IGSF10: variants seen among roughly 807,000 people sequenced by gnomAD.
The protein encoded by IGSF10 is calvaria mechanical force protein 608.
Under a neutral mutation model 128.2 loss-of-function variants are expected in IGSF10, and 126 were observed. The ratio of observed to expected loss-of-function variants is 0.98; its 90% confidence interval spans 0.85 to 1.14. The LOEUF (loss-of-function observed/expected upper bound fraction) is 1.14. Ranked by LOEUF, IGSF10 falls within the 50% of genes most tolerant of loss-of-function variation. The pLI is 0.00. For missense variants in IGSF10, 3,295 were observed against 3,149.8 expected (o/e 1.05, Z -1.10); for synonymous variants, 1,185 against 1,146.2 (o/e 1.03, Z -0.68).
the IGSF10 span, among the ~76,000 whole-genome samples, chr3:151,574,575 T>C: frequency 6.6e-6 from 1 of 152,378 alleles, no homozygotes; most frequent in African/African-American, 2.4e-5. Flanking sequence ...CATTAGGTCA[T>C]TTAAAGTCTT....
the IGSF10 span, among the ~76,000 whole-genome samples, chr3:151,580,621 C>G: frequency 6.6e-6 from 1 of 152,120 alleles, no homozygotes; most frequent in Admixed American, 6.6e-5. Flanking sequence ...CACTTAATCA[C>G]CCACCAACCA....
chr3:151,540,799 C>T, the IGSF10 span, among the ~76,000 whole-genome samples: 1 of 152,184 alleles, frequency 6.6e-6, no homozygotes, highest in Non-Finnish European at 1.5e-5. Flanking sequence ...CCTAGTCCCC[C>T]ACGAAAATGC....
At chr3:151,465,511 T>C (rs914257944), upstream of IGSF10, among the ~76,000 whole-genome samples, 6 of 152,248 alleles carry the variant, frequency 3.9e-5, no homozygotes, top group East Asian at 1.9e-4. Context: ...GGGTAGGAGA[T>C]GCACCTAAGA....
Position 151,447,350 on chromosome 3 carries a change from G to A in IGSF10, c.2631C>T (p.Thr877=). 1.2e-6 allele frequency: 2 copies of A among 1,614,184 alleles called. No homozygotes were observed. The highest frequency in any genetic ancestry group is 2.2e-5 in the East Asian group (1 of 44,884). Residue 877 remains threonine, a synonymous_variant, in exon 6 of 8, where the codon ACC becomes ACT. Transcript: ENST00000282466. ...TTGTGCCTTGTATTTGGCTTGACATGGTTGGGTTTATATTCTTTGACATGG... is the reference window on the plus strand; with the variant it reads ...TTGTGCCTTGTATTTGGCTTGACATAGTTGGGTTTATATTCTTTGACATGG... The part of the protein sequence containing the change: ...TTAMSKNINP[T]MSSQIQGTTN...
At chr3:151,564,534 A>G in the IGSF10 span, among the ~76,000 whole-genome samples, 1 of 152,120 alleles carries the variant, frequency 6.6e-6, no homozygotes, top group Non-Finnish European at 1.5e-5. Context: ...TTTTGAAAAG[A>G]CAGAAGGAAG....
Position 151,443,563 on chromosome 3 carries a change from C to T in IGSF10, c.5384G>A (p.Arg1795Lys), listed in dbSNP as rs1362965056. 1.2e-6 allele frequency: 2 copies of T among 1,614,238 alleles called. No homozygotes were observed. Among genetic ancestry groups the T allele is most frequent in the Non-Finnish European group, 1.7e-6 (2 of 1,180,040 alleles). ...TVVSESSQGSRQAVVTVDGTL... is the reference protein window; with the variant it reads ...TVVSESSQGSKQAVVTVDGTL... ...TCCGTCAACCGTCACCACAGCCTGC[C>T]TACTTCCCTGGGATGATTCTGAGAC... Residue 1795 changes from arginine to lysine, a missense_variant, in exon 7 of 8, where the codon AGG becomes AAG. Physicochemically the swap from Arg to Lys is conservative, Grantham distance 26. Coordinates refer to ENST00000282466, the MANE Select transcript of IGSF10 (RefSeq NM_178822.5).
the IGSF10 span, among the ~76,000 whole-genome samples, chr3:151,586,961 A>G: frequency 6.6e-6 from 1 of 152,326 alleles, no homozygotes; most frequent in African/African-American, 2.4e-5. Flanking sequence ...TGACTTGAGC[A>G]TGGGTTCAGT....
the IGSF10 span, among the ~76,000 whole-genome samples, chr3:151,589,881 C>T: frequency 6.6e-6 from 1 of 152,008 alleles, no homozygotes. Flanking sequence ...GAATATATTG[C>T]TTTGAAAACT....
the IGSF10 span, among the ~76,000 whole-genome samples, chr3:151,542,820 C>T: frequency 6.6e-6 from 1 of 152,094 alleles, no homozygotes; most frequent in Non-Finnish European, 1.5e-5. Context: ...GTTTTATATA[C>T]TTTTGTCTTG....
chr3:151,491,645 TTGAG>T, the IGSF10 span, among the ~76,000 whole-genome samples: 602 of 152,150 alleles, frequency 4.0e-3, 2 homozygotes, highest in African/African-American at 0.013. Context: ...TAGCAAGAGA[TTGAG>T]TAAGTAATAA....
At chr3:151,569,000 G>A in the IGSF10 span, among the ~76,000 whole-genome samples, 2 of 152,198 alleles carry the variant, frequency 1.3e-5, no homozygotes, top group Non-Finnish European at 2.9e-5. Flanking sequence ...TGAAGTCTGA[G>A]GTAGCCGAAC....
the IGSF10 span, among the ~76,000 whole-genome samples, chr3:151,525,111 G>C: frequency 7.6e-6 from 1 of 132,006 alleles, no homozygotes; most frequent in South Asian, 2.6e-4. Flanking sequence ...CTGTAGCCTT[G>C]AGCTCTAGGG....
intron 7 of IGSF10, chr3:151,440,530 C>T (rs1577663462): frequency 2.2e-6 from 1 of 456,580 alleles, no homozygotes; most frequent in African/African-American, 2.0e-5. Flanking sequence ...AATTCCCTCA[C>T]TATACAGCTG....
At position 151,436,843 on chromosome 3, in the gene IGSF10, G is replaced by T. The variant is rs1474536339; in HGVS notation, c.7718C>A (p.Ala2573Glu). The T allele has an allele frequency of 6.2e-7, 1 of 1,614,002 alleles. No individual in the cohort carries two copies. The highest frequency in any genetic ancestry group is 8.5e-7 in the Non-Finnish European group (1 of 1,180,014). Reference protein sequence around the residue: ...EMPDHSLLSTASKERTHGSEQ... With the variant: ...EMPDHSLLSTESKERTHGSEQ... ...ACTTCCATGTGTCCTCTCTTTACTT[G>T]CCGTTGAGAGAAGGGAGTGGTCAGG... Residue 2573 changes from alanine to glutamate, a missense_variant, in exon 8 of 8, where the codon GCA becomes GAA. By Grantham distance (107) the Ala-to-Glu change is moderately radical. Coordinates refer to ENST00000282466, the MANE Select transcript of IGSF10 (RefSeq NM_178822.5).
chr3:151,549,798 T>C, the IGSF10 span, among the ~76,000 whole-genome samples: 2 of 152,184 alleles, frequency 1.3e-5, no homozygotes, highest in African/African-American at 4.8e-5. Flanking sequence ...ATCAAAGGAA[T>C]CTCTACATTA....
upstream of IGSF10, among the ~76,000 whole-genome samples, chr3:151,465,803 C>T (rs1485627468): frequency 6.6e-6 from 1 of 152,150 alleles, no homozygotes; most frequent in Non-Finnish European, 1.5e-5. Context: ...TATTTGAGTC[C>T]TTGTGGATGA....
At chr3:151,588,921 A>G in the IGSF10 span, among the ~76,000 whole-genome samples, 2 of 152,214 alleles carry the variant, frequency 1.3e-5, no homozygotes, top group Non-Finnish European at 2.9e-5. Context: ...GAGTTTCCTT[A>G]AGAATTTTTA....
the IGSF10 span, among the ~76,000 whole-genome samples, chr3:151,546,650 A>G: frequency 2.0e-5 from 3 of 152,066 alleles, no homozygotes; most frequent in African/African-American, 7.2e-5. Context: ...TATTTTTGGC[A>G]ACATTATATA....
the IGSF10 span, among the ~76,000 whole-genome samples, chr3:151,507,327 A>T: frequency 2.6e-5 from 4 of 152,152 alleles, no homozygotes; most frequent in Admixed American, 2.6e-4. Context: ...CTGGGGGAAG[A>T]CATTAAGGAA....
Sources: allele counts gnomAD v4.1 joint callset (sites outside exome capture counted in the v4.1 genomes callset), GRCh38; gene constraint gnomAD v4.1.1; transcripts MANE v1.5; gene names NCBI Gene and HGNC (gene_info 2026-07-23, HGNC 2026-07-21).